EYA2: variants seen among roughly 807,000 people sequenced by gnomAD.
EYA2 encodes the protein protein phosphatase EYA2.
EYA2 carries 31 observed loss-of-function variants against 69.2 expected under a neutral mutation model. The observed-to-expected ratio is 0.45, with a 90% CI of 0.34 to 0.60. The LOEUF is 0.60. Ranked by LOEUF, EYA2 falls within the 20% of genes least tolerant of loss-of-function variation. The pLI is 0.02. For missense variants in EYA2, 622 were observed against 701.2 expected (o/e 0.89, Z 1.28); for synonymous variants, 257 against 279.4 (o/e 0.92, Z 0.80).
At chr20:47,120,717 C>G (rs1158670669) in intron 9 of EYA2, among the ~76,000 whole-genome samples, 3 of 152,202 alleles carry the variant, frequency 2.0e-5, no homozygotes, top group African/African-American at 7.2e-5. Context: ...CCCTACTGAC[C>G]TCATAAGACA....
intron 10 of EYA2, chr20:47,161,429 C>T (rs935600359): frequency 7.1e-6 from 3 of 420,036 alleles, no homozygotes; most frequent in African/African-American, 2.1e-5. Context: ...TGAGAGAAGC[C>T]CCCAGGAAAA....
chr20:46,901,611 C>T (rs888396981), intron 1 of EYA2: 1 of 152,154 alleles, frequency 6.6e-6, no homozygotes, highest in Non-Finnish European at 1.5e-5. Context: ...GTATTATTTG[C>T]ACATATCAGG....
intron 1 of EYA2, among the ~76,000 whole-genome samples, chr20:46,982,736 C>G (rs997635853): frequency 6.8e-6 from 1 of 147,550 alleles, no homozygotes; most frequent in Non-Finnish European, 1.5e-5. Flanking sequence ...CTATTGAGTT[C>G]TTAATTTTAA....
intron 5 of EYA2, among the ~76,000 whole-genome samples, chr20:47,021,049 G>A (rs577387022): frequency 3.9e-5 from 6 of 152,228 alleles, no homozygotes; most frequent in South Asian, 2.1e-4. Flanking sequence ...TACTTTACTC[G>A]TGGGGTGCTA....
intron 11 of EYA2, among the ~76,000 whole-genome samples, chr20:47,170,877 T>C (rs1296030976): frequency 6.6e-6 from 1 of 152,176 alleles, no homozygotes. Flanking sequence ...AAGGTGTCTC[T>C]CCCAACTTAC....
chr20:47,170,187 C>T (rs1338630848), intron 11 of EYA2, among the ~76,000 whole-genome samples: 1 of 151,776 alleles, frequency 6.6e-6, no homozygotes, highest in Non-Finnish European at 1.5e-5. Context: ...GGGTTACAGG[C>T]GTGAGCCACC....
At chr20:47,063,345 T>TAA (rs2030969640) in intron 5 of EYA2, among the ~76,000 whole-genome samples, 1 of 152,106 alleles carries the variant, frequency 6.6e-6, no homozygotes, top group African/African-American at 2.4e-5. Context: ...TGACTTATTT[T>TAA]ATTTGGCATA....
chr20:46,948,558 C>T (rs1978613205), intron 1 of EYA2, among the ~76,000 whole-genome samples: 1 of 152,134 alleles, frequency 6.6e-6, no homozygotes, highest in South Asian at 2.1e-4. Flanking sequence ...ATCCTCGGTG[C>T]CCAGTACAGG....
intron 5 of EYA2, among the ~76,000 whole-genome samples, chr20:47,057,594 T>G (rs2030695786): frequency 6.7e-6 from 1 of 149,804 alleles, no homozygotes. Flanking sequence ...CACATCAACA[T>G]CAGTAAGACT....
At chr20:47,150,717 T>C (rs764907298) in intron 10 of EYA2, among the ~76,000 whole-genome samples, 3 of 152,014 alleles carry the variant, frequency 2.0e-5, no homozygotes, top group Non-Finnish European at 4.4e-5. Flanking sequence ...TCCTCCTGCC[T>C]TGGGCTCTCA....
chr20:47,040,125 G>A lies in EYA2; in HGVS notation c.415+23828G>A, dbSNP rs373231020. ...CAAAGTGCTGGGATTACAGGCATGA[G>A]CCACCGCACCTGGCAAAGATCAAAT... On this transcript the variant is annotated intron_variant, in intron 5 of 15. Transcript: ENST00000327619. 2.2e-3 allele frequency among the ~76,000 whole-genome samples: 331 copies of A among 152,252 alleles called. 1 individual carries two copies. The highest frequency in any genetic ancestry group is 7.7e-3 in the African/African-American group (321 of 41,550).
chr20:47,105,624 CAA>C (rs3085517), intron 9 of EYA2, among the ~76,000 whole-genome samples: 5 of 131,214 alleles, frequency 3.8e-5, no homozygotes, highest in East Asian at 2.2e-4. Context: ...GACTCTGTCC[CAA>C]AAAAAAAAAA....
chr20:47,113,234 TG>T (rs1174601902), intron 9 of EYA2, among the ~76,000 whole-genome samples: 1 of 151,946 alleles, frequency 6.6e-6, no homozygotes, highest in Admixed American at 6.6e-5. Flanking sequence ...GGAAATTGAT[TG>T]GGAGGGTATG....
chr20:46,967,596 C>T (rs1979868079), intron 1 of EYA2, among the ~76,000 whole-genome samples: 1 of 152,146 alleles, frequency 6.6e-6, no homozygotes, highest in South Asian at 2.1e-4. Context: ...ACAGAGGGAA[C>T]AGCTGTGAGC....
chr20:46,979,679 C>T (rs1338958268), intron 1 of EYA2: 1 of 151,976 alleles, frequency 6.6e-6, no homozygotes, highest in Non-Finnish European at 1.5e-5. Flanking sequence ...GAAGCCTTCC[C>T]CACCAAAGTG....
intron 4 of EYA2, among the ~76,000 whole-genome samples, chr20:47,014,628 A>ATGTGTGTGTGTGTG (rs56005987): frequency 6.9e-5 from 10 of 144,704 alleles, no homozygotes; most frequent in South Asian, 4.5e-4. Flanking sequence ...TGTGCACAAA[A>ATGTGTGTGTGTGTG]TGTGTGTGTG....
chr20:46,987,931 T>A lies in EYA2; in HGVS notation c.-10-2070T>A, dbSNP rs1374292887. Among the ~76,000 whole-genome samples, 25 of 32,234 alleles carry A rather than the reference T, an allele frequency of 7.8e-4. 4 individuals are homozygous for A. Among genetic ancestry groups the A allele is most frequent in the Middle Eastern group, 8.6e-3 (1 of 116 alleles). 21.1% of individuals were successfully genotyped at this position (32,234 alleles called of 152,430 possible). ...GACAGAGTAAGTCTCTCTCTCTCTC[T>A]CTCTCTCTCTCTCTCTCTCTCTCTC... On this transcript the variant is annotated intron_variant, in intron 1 of 15. Transcript: ENST00000327619.
chr20:47,062,996 G>A (rs1159014931), intron 5 of EYA2, among the ~76,000 whole-genome samples: 4 of 152,120 alleles, frequency 2.6e-5, no homozygotes, highest in Non-Finnish European at 5.9e-5. Context: ...GCCAAAGCCT[G>A]GGAGACAGGC....
chr20:46,931,208 T>C (rs1253642186), intron 1 of EYA2, among the ~76,000 whole-genome samples: 1 of 152,230 alleles, frequency 6.6e-6, no homozygotes, highest in Admixed American at 6.5e-5. Context: ...GTAGCAGGGC[T>C]AAGAACTGTG....
Sources: allele counts gnomAD v4.1 joint callset (sites outside exome capture counted in the v4.1 genomes callset), GRCh38; gene constraint gnomAD v4.1.1; transcripts MANE v1.5; gene names NCBI Gene and HGNC (gene_info 2026-07-23, HGNC 2026-07-21).